The following IL1R2 variants were observed in gnomAD, a reference collection of about 807,000 sequenced individuals.
IL1R2 encodes interleukin-1 receptor type 2.
In IL1R2, 46 loss-of-function variants were observed where a neutral mutation model predicts 39.5. The observed-to-expected ratio is 1.16, with a 90% confidence interval of 0.92 to 1.49. IL1R2 has a LOEUF of 1.49. Ranked by LOEUF, IL1R2 falls within the 40% of genes most tolerant of loss-of-function variation. IL1R2 has a pLI of 0.00. For synonymous variants in IL1R2, 207 were observed against 189.6 expected (o/e 1.09, Z -0.75); for missense variants, 537 against 502.0 (o/e 1.07, Z -0.67).
At chr2:101,995,049 A>G (rs1037756716) in intron 1 of IL1R2, among the ~76,000 whole-genome samples, 1 of 152,254 alleles carries the variant, frequency 6.6e-6, no homozygotes, top group Non-Finnish European at 1.5e-5. Context: ...TAGATGGAAC[A>G]TCACTACCAT....
chr2:102,026,033 G>A (rs2072473), intron 7 of IL1R2, 78 bp from the exon 8 acceptor site: 167,622 of 1,108,450 alleles, frequency 0.15, 13,990 homozygotes, highest in East Asian at 0.29. Flanking sequence ...CTAAAGGAGA[G>A]TGTTTAGATG....
chr2:102,015,743 A>T, intron 3 of IL1R2, 128 bp from the exon 4 acceptor site: 1 of 723,804 alleles, frequency 1.4e-6, no homozygotes, highest in Non-Finnish European at 2.3e-6. Context: ...TATGTCGGGA[A>T]ACCATCTGTA....
chr2:102,018,257 T>A (rs555767899), intron 4 of IL1R2, among the ~76,000 whole-genome samples: 57 of 152,158 alleles, frequency 3.7e-4, no homozygotes, highest in Non-Finnish European at 6.3e-4. Context: ...CTCTTTTGGT[T>A]TGGGAAAAGC....
rs1376942381 is a variant in IL1R2, at chr2:102,009,741, G to A, written c.247G>A (p.Glu83Lys). The change falls in exon 3 of 9, where the codon GAG becomes AAG. Residue 83 changes from glutamate (E) to lysine (K), a missense_variant. Coordinates refer to ENST00000332549, the MANE Select transcript of IL1R2 (RefSeq NM_004633.4). ...TGCTAGGACGGTCCCAGGAGAAGAA[G>A]AGACACGGATGTGGGCCCAGGACGG... ...DSARTVPGEE[E>K]TRMWAQDGAL... The A allele has an allele frequency of 6.2e-7, 1 of 1,614,118 alleles. No homozygotes were observed. Among genetic ancestry groups the A allele is most frequent in the East Asian group, 2.2e-5 (1 of 44,892 alleles).
At chr2:102,008,805 T>C (rs115550462) in intron 2 of IL1R2, among the ~76,000 whole-genome samples, 163 bp downstream of exon 2, 1 of 146,264 alleles carries the variant, frequency 6.8e-6, no homozygotes, top group South Asian at 2.1e-4. Flanking sequence ...GTGGATTGCT[T>C]GAGCCCAGGA....
At chr2:102,022,049 G>A in intron 5 of IL1R2, 138 bp from the exon 6 acceptor site, 1 of 718,434 alleles carries the variant, frequency 1.4e-6, no homozygotes, top group African/African-American at 1.8e-5. Context: ...TGTTTCCTTT[G>A]CCAGACAAAG....
chr2:102,010,147 C>A (rs1487134344), intron 3 of IL1R2: 2 of 344,536 alleles, frequency 5.8e-6, no homozygotes, highest in Non-Finnish European at 1.1e-5. Flanking sequence ...TTTGTGTGCG[C>A]TACTGTATTT....
intron 1 of IL1R2, among the ~76,000 whole-genome samples, chr2:101,996,757 ATATG>A (rs1488681087): frequency 6.6e-6 from 1 of 151,520 alleles, no homozygotes; most frequent in Admixed American, 6.6e-5. Flanking sequence ...TATACTGATT[ATATG>A]TATTATATAC....
rs1434832007 is a variant in IL1R2, at chr2:102,024,721, T to C, written c.887+53T>C. ...AACTCTGTGGGTTTCGCTCTTCCTT[T>C]TGGAGACAGTTATCACTATGACCCA... On this transcript the variant is annotated intron_variant, in intron 7 of 8. Transcript: ENST00000332549. 5 of 1,610,774 alleles carry C rather than the reference T, an allele frequency of 3.1e-6. No homozygotes were observed. In the African/African-American group the frequency reaches 6.7e-5, roughly 22 times the overall value.
intron 5 of IL1R2, among the ~76,000 whole-genome samples, chr2:102,020,858 G>C (rs1158892206): frequency 1.3e-5 from 2 of 152,328 alleles, no homozygotes; most frequent in East Asian, 3.9e-4. Context: ...TGGCTCTCAA[G>C]GGGTGGTCCT....
chr2:102,009,065 A>G (rs1185257779), intron 2 of IL1R2, among the ~76,000 whole-genome samples: 1 of 152,004 alleles, frequency 6.6e-6, no homozygotes, highest in Admixed American at 6.6e-5. Context: ...AAAAGAAAAA[A>G]GAAAAGAAAA....
At chr2:102,009,036 A>T (rs1350791552) in intron 2 of IL1R2, among the ~76,000 whole-genome samples, 2 of 151,996 alleles carry the variant, frequency 1.3e-5, no homozygotes, top group East Asian at 3.9e-4. Flanking sequence ...TCAAAAAAAT[A>T]AAAAAGGAAA....
At position 102,028,257 on chromosome 2, in the gene IL1R2, G is replaced by A; in HGVS notation, c.1062G>A (p.Leu354=). The change falls in exon 9 of 9, where the codon CTG becomes CTA. Residue 354 remains leucine, a synonymous_variant. Coordinates refer to ENST00000332549, the MANE Select transcript of IL1R2 (RefSeq NM_004633.4). ...CCACGTTCTCCTGGGGCATTGTGCT[G>A]GCCCCACTTTCACTGGCCTTCTTGG... ...ASSTFSWGIV[L]APLSLAFLVL... is the part of the protein sequence containing the mutation. 6.2e-7 allele frequency: 1 copy of A among 1,612,100 alleles called. No homozygotes were observed. Among genetic ancestry groups the A allele is most frequent in the Non-Finnish European group, 8.5e-7 (1 of 1,179,172 alleles).
chr2:102,027,583 G>A (rs1231475256), intron 8 of IL1R2, among the ~76,000 whole-genome samples: 2 of 152,148 alleles, frequency 1.3e-5, no homozygotes, highest in Non-Finnish European at 2.9e-5. Context: ...AACAGGCTGA[G>A]GTCATGTCGA....
rs148689791 is a variant in IL1R2 at position 102,015,939 on chromosome 2, C to T, written c.401C>T (p.Pro134Leu). ...RVFENTDAFL[P>L]FISYPQILTL... ...TTTGAGAATACAGATGCTTTCCTGCCGTTCATCTCATACCCGCAAATTTTA... is the reference window on the plus strand; with the variant it reads ...TTTGAGAATACAGATGCTTTCCTGCTGTTCATCTCATACCCGCAAATTTTA... Residue 134 changes from proline to leucine, a missense_variant, in exon 4 of 9, where the codon CCG becomes CTG. By Grantham distance (98) the Pro-to-Leu change is moderately conservative. Transcript: ENST00000332549. 1.5e-5 allele frequency: 24 copies of T among 1,613,638 alleles called. No individual in the cohort carries two copies. Among genetic ancestry groups the T allele is most frequent in the Middle Eastern group, 1.6e-4 (1 of 6,084 alleles).
At chr2:102,024,339 G>T (rs1003135094) in intron 6 of IL1R2, among the ~76,000 whole-genome samples, 194 bp from the exon 7 acceptor site, 1 of 152,164 alleles carries the variant, frequency 6.6e-6, no homozygotes, top group African/African-American at 2.4e-5. Context: ...ACCAGTTGTA[G>T]GAACCAGAGG....
rs371324309 is a variant in IL1R2 at position 102,008,590 on chromosome 2, C to A, written c.15C>A (p.Tyr5Ter). MLRL[Y>*]VLVMGVSAFT... is the part of the protein sequence containing the mutation. ...TGTCAGGAGCAATGTTGCGCTTGTACGTGTTGGTAATGGGAGTTTCTGCCT... is the reference window on the plus strand; with the variant it reads ...TGTCAGGAGCAATGTTGCGCTTGTAAGTGTTGGTAATGGGAGTTTCTGCCT... The change falls in exon 2 of 9, where the codon TAC becomes TAA. Residue 5 changes from tyrosine to a stop codon, truncating the protein, a stop_gained. Transcript: ENST00000332549. LOFTEE classifies it high-confidence loss of function. 3 of 1,613,980 alleles carry A rather than the reference C, an allele frequency of 1.9e-6. No individual in the cohort carries two copies. Among genetic ancestry groups the A allele is most frequent in the Non-Finnish European group, 1.7e-6 (2 of 1,179,914 alleles).
Position 102,024,533 on chromosome 2 carries a change from G to A in IL1R2, c.752G>A (p.Gly251Glu), listed in dbSNP as rs751969491. 3.1e-6 allele frequency: 5 copies of A among 1,613,482 alleles called. No homozygotes were observed. The East Asian group carries it at 1.1e-4, about 36-fold the overall frequency. Residue 251 changes from glycine to glutamate, a missense_variant and splice_region_variant, in exon 7 of 9, where the codon GGG (glycine) becomes GAG (glutamate). Gly to Glu is a moderately conservative substitution (Grantham distance 98). Transcript: ENST00000332549. ...ACGTGCTGTGCCTTGCCATCCACAG[G>A]GTCAAGACTGACAATCCCGTGTAAG... is the stretch of plus-strand genomic sequence containing the variant. ...SPLKTISASL[G>E]SRLTIPCKVF...
At chr2:102,005,459 T>G (rs994262872) in intron 1 of IL1R2, among the ~76,000 whole-genome samples, 1 of 152,162 alleles carries the variant, frequency 6.6e-6, no homozygotes, top group African/African-American at 2.4e-5. Context: ...TGGCTGTGCG[T>G]GACAGAAAGC....
Sources: allele counts gnomAD v4.1 joint callset (sites outside exome capture counted in the v4.1 genomes callset), GRCh38; gene constraint gnomAD v4.1.1; transcripts MANE v1.5; gene names NCBI Gene and HGNC (gene_info 2026-07-23, HGNC 2026-07-21).